The following ZNF607 variants were observed in gnomAD, a reference collection of about 807,000 sequenced individuals.
ZNF607 encodes zinc finger protein 607.
In ZNF607, 5 loss-of-function variants were observed where a neutral mutation model predicts 12.8. That is an observed-to-expected ratio of 0.39 (90% confidence interval 0.20 to 0.82). The LOEUF (loss-of-function observed/expected upper bound fraction) is 0.82, where lower values mean the gene tolerates loss of function less well. Ranked by LOEUF, ZNF607 falls within the 40% of genes least tolerant of loss-of-function variation. The pLI is 0.39. For synonymous variants in ZNF607, 287 were observed against 276.2 expected (o/e 1.04, Z -0.39); for missense variants, 851 against 859.2 (o/e 0.99, Z 0.12).
Position 37,696,852 on chromosome 19 carries a change from G to A in ZNF607, c.*1188C>T. ...ATCTGGCGCTCTCTGCTTCCTGGGG[G>A]GCCACCTGTCTGTTAACTCCTTCAA... is the stretch of plus-strand genomic sequence containing the variant. On this transcript the variant is annotated 3_prime_UTR_variant, in exon 5 of 5. Coordinates refer to ENST00000355202, the MANE Select transcript of ZNF607 (RefSeq NM_032689.5). 1 of 810,594 alleles carries A rather than the reference G, an allele frequency of 1.2e-6. No homozygotes were observed. 50.2% of individuals were successfully genotyped at this position (810,594 alleles called of 1,614,324 possible).
At chr19:37,719,214 C>G (rs2045202891) in intron 1 of ZNF607, 55 bp downstream of exon 1, 1 of 153,162 alleles carries the variant, frequency 6.5e-6, no homozygotes, top group Non-Finnish European at 1.5e-5. Context: ...CAGCGAAGCA[C>G]GCTTTACAAA....
At chr19:37,700,006 A>G (rs2045025701) in intron 4 of ZNF607, 111 bp from the exon 5 acceptor site, 1 of 1,020,920 alleles carries the variant, frequency 9.8e-7, no homozygotes, top group Non-Finnish European at 1.4e-6. Flanking sequence ...ATACAGTTAT[A>G]AAATATAAAA....
intron 2 of ZNF607, 23 bp downstream of exon 2, chr19:37,711,587 C>T (rs373571054): frequency 6.1e-5 from 99 of 1,613,454 alleles, no homozygotes; most frequent in Non-Finnish European, 8.3e-5. Flanking sequence ...CAAACCTCCA[C>T]ATGGCGAGAA....
intron 4 of ZNF607, among the ~76,000 whole-genome samples, chr19:37,701,581 C>T (rs973144565): frequency 7.9e-5 from 12 of 152,214 alleles, no homozygotes; most frequent in Non-Finnish European, 8.8e-5. Context: ...ACCCCTTCCC[C>T]TCCCTTGTCC....
Position 37,708,056 on chromosome 19 carries a change from G to A in ZNF607, c.137-44C>T, listed in dbSNP as rs1169442776. ...GCCACAAAATACGGAAATCAACTTT[G>A]AAGGTAAAATTTAAAATTACAATTG... On this transcript the variant is annotated intron_variant, in intron 3 of 4. Transcript: ENST00000355202. The A allele has an allele frequency of 9.2e-6, 14 of 1,520,422 alleles. No homozygotes were observed. The South Asian group carries it at 1.6e-4, about 18-fold the overall frequency. 94.2% of individuals were successfully genotyped at this position (1,520,422 alleles called of 1,614,324 possible).
Position 37,699,320 on chromosome 19 carries a change from G to A in ZNF607, c.811C>T (p.His271Tyr). ...TTCTCTCCAGTATGAATACTCTGAT[G>A]TACTTTAAGGCCTGCTTTGAGCCTA... ...SFRLKAGLKVHQSIHTGEKPH... is the reference protein window; with the variant it reads ...SFRLKAGLKVYQSIHTGEKPH... The change falls in exon 5 of 5, where the codon CAT (histidine) becomes TAT (tyrosine). Residue 271 changes from histidine (H) to tyrosine (Y), a missense_variant. His to Tyr is a moderately conservative substitution (Grantham distance 83, BLOSUM62 2). Transcript: ENST00000355202. 3 of 1,613,708 alleles carry A rather than the reference G, an allele frequency of 1.9e-6. No individual in the cohort carries two copies. The highest frequency in any genetic ancestry group is 2.2e-5 in the East Asian group (1 of 44,826).
At chr19:37,704,531 G>T (rs775302346) in intron 4 of ZNF607, among the ~76,000 whole-genome samples, 4 of 152,112 alleles carry the variant, frequency 2.6e-5, no homozygotes, top group Non-Finnish European at 4.4e-5. Context: ...AAGAAATCAA[G>T]AAGGAAATTA....
Position 37,696,416 on chromosome 19 carries a change from T to C in ZNF607, c.*1624A>G, listed in dbSNP as rs2044974067. The C allele has an allele frequency of 4.1e-6, 1 of 244,344 alleles. No homozygotes were observed. The highest frequency in any genetic ancestry group is 8.0e-6 in the Non-Finnish European group (1 of 125,112). 15.1% of individuals were successfully genotyped at this position (244,344 alleles called of 1,614,324 possible). A position where few individuals can be genotyped will look rare whatever the true frequency, so the allele number is the denominator to read the frequency against. On this transcript the variant is annotated 3_prime_UTR_variant, in exon 5 of 5. Transcript: ENST00000355202. ...TTATTGAACGTAACAGTATATTTCA[T>C]GTAGTTTCCCATAATTTTTTCATGT...
chr19:37,704,408 A>C (rs1376605989), intron 4 of ZNF607, among the ~76,000 whole-genome samples: 2 of 152,204 alleles, frequency 1.3e-5, no homozygotes, highest in East Asian at 3.8e-4. Context: ...AGTCATAAAA[A>C]GCATGTTCTC....
At chr19:37,704,851 T>C (rs908046358) in intron 4 of ZNF607, among the ~76,000 whole-genome samples, 2 of 151,644 alleles carry the variant, frequency 1.3e-5, no homozygotes, top group African/African-American at 4.8e-5. Context: ...TTCAAGAGGC[T>C]GAGGCAGGAG....
chr19:37,699,088 CTACTAAAAG>C lies in ZNF607; in HGVS notation c.1034_1042del (p.Ala345_Ser348delinsGly). On this transcript the variant is annotated inframe_deletion, in exon 5 of 5. Transcript: ENST00000355202. ...ATGAGGTGCAGTAAGTTGATGGCCA[CTACTAAAAG>C]CCTCCCCATTTTCTTTACATTCATA... 1 of 1,614,084 alleles carries C rather than the reference CTACTAAAAG, an allele frequency of 6.2e-7. No individual in the cohort carries two copies.
intron 3 of ZNF607, among the ~76,000 whole-genome samples, chr19:37,709,116 C>T (rs2045110552): frequency 2.0e-5 from 3 of 152,130 alleles, no homozygotes; most frequent in African/African-American, 7.2e-5. Flanking sequence ...ATAGTATATT[C>T]ATCCCATTTT....
chr19:37,707,922 T>C lies in ZNF607; in HGVS notation c.227A>G (p.Glu76Gly), dbSNP rs2045099681. ...GCCTGACTTGCTCTTACCTGTACAC[T>C]CTCCTCTTGTTTCTTCCCTCACAAT... ...WMIVREETRGECTDLDSRCEI... is the reference protein window; with the variant it reads ...WMIVREETRGGCTDLDSRCEI... Residue 76 changes from glutamate (E) to glycine (G), a missense_variant, in exon 4 of 5, where the codon GAG becomes GGG. Physicochemically the swap from Glu to Gly is moderately conservative, Grantham distance 98. Transcript: ENST00000355202. 1 of 1,613,720 alleles carries C rather than the reference T, an allele frequency of 6.2e-7. No individual in the cohort carries two copies. The highest frequency in any genetic ancestry group is 1.7e-5 in the Admixed American group (1 of 59,950).
intron 4 of ZNF607, among the ~76,000 whole-genome samples, chr19:37,702,287 CAAAAAAAAAAAA>C (rs10714690): frequency 5.4e-5 from 4 of 73,630 alleles, no homozygotes; most frequent in Non-Finnish European, 9.9e-5. Context: ...AACTCCATCT[CAAAAAAAAAAAA>C]AAAAAAAAAA....
In ZNF607 at chr19:37,699,508, G is replaced by C. The variant is rs1311528729; in HGVS notation, c.623C>G (p.Thr208Ser). 2 of 1,613,862 alleles carry C rather than the reference G, an allele frequency of 1.2e-6. No individual in the cohort carries two copies. The highest frequency in any genetic ancestry group is 1.7e-6 in the Non-Finnish European group (2 of 1,179,888). The change falls in exon 5 of 5, where the codon ACT (threonine) becomes AGT (serine). Residue 208 changes from threonine (T) to serine (S), a missense_variant. Coordinates refer to ENST00000355202, the MANE Select transcript of ZNF607 (RefSeq NM_032689.5). ...ECKECGEAFR[T>S]SRQLTVHHRF... ...ATGATGTACAGTAAGTTGACGGCTAGTCCTAAAAGCTTCCCCACACTCTTT... is the reference window on the plus strand; with the variant it reads ...ATGATGTACAGTAAGTTGACGGCTACTCCTAAAAGCTTCCCCACACTCTTT...
intron 4 of ZNF607, among the ~76,000 whole-genome samples, chr19:37,700,854 C>T (rs2045033326): frequency 6.7e-6 from 1 of 149,318 alleles, no homozygotes; most frequent in African/African-American, 2.5e-5. Context: ...CTAAAGCAAC[C>T]AAAAAAGAAT....
rs201114998 is a variant in ZNF607, at chr19:37,698,091, C to T, written c.2040G>A (p.Arg680=). ...EKPFKCNKCR[R]SFRLRSILEV... ...CAAGGATGGATCTAAGCCTAAAGGA[C>T]CTTCTGCATTTGTTACATTTAAAGG... The change falls in exon 5 of 5, where the codon AGG becomes AGA. Residue 680 remains arginine (R), a synonymous_variant. Transcript: ENST00000355202. The T allele has an allele frequency of 2.5e-6, 4 of 1,612,912 alleles. No individual in the cohort carries two copies. The African/African-American group carries it at 5.3e-5, about 22-fold the overall frequency.
chr19:37,717,806 C>CAAAAAAAA (rs57152044), intron 1 of ZNF607, among the ~76,000 whole-genome samples: 21 of 67,052 alleles, frequency 3.1e-4, no homozygotes, highest in Non-Finnish European at 4.5e-4. Context: ...AACTCAGTCT[C>CAAAAAAAA]AAAAAAAAAA....
Position 37,697,291 on chromosome 19 carries a change from T to C in ZNF607, c.*749A>G, listed in dbSNP as rs563880065. 5.9e-4 allele frequency: 532 copies of C among 904,040 alleles called. 2 individuals carry two copies. The highest frequency in any genetic ancestry group is 9.0e-4 in the Non-Finnish European group (488 of 540,964). 56.0% of individuals were successfully genotyped at this position (904,040 alleles called of 1,614,324 possible). ...TGTACTCCACGGAATTGGTCAAAGA[T>C]GGCAGCTCTGTGCCCAGCATCCACA... is the stretch of plus-strand genomic sequence containing the variant. On this transcript the variant is annotated 3_prime_UTR_variant, in exon 5 of 5. Coordinates refer to ENST00000355202, the MANE Select transcript of ZNF607 (RefSeq NM_032689.5).
Sources: gnomAD v4.1 joint callset for allele counts (sites outside exome capture counted in the v4.1 genomes callset) on GRCh38, gnomAD v4.1.1 for gene constraint, MANE v1.5 for transcripts, NCBI Gene and HGNC (gene_info 2026-07-23, HGNC 2026-07-21) for gene names.